Variants in CSKMT observed in about 807,000 individuals in gnomAD.
The protein encoded by CSKMT is citrate synthase lysine methyltransferase, also known as citrate synthase-lysine N-methyltransferase CSKMT, mitochondrial.
Under a neutral mutation model 4.6 loss-of-function variants are expected in CSKMT, and 6 were observed. The ratio of observed to expected loss-of-function variants is 1.31; its 90% CI spans 0.72 to 2.59. The LOEUF (loss-of-function observed/expected upper bound fraction) is 2.59. CSKMT is among the 30% of genes most tolerant of loss of function. The pLI is 0.00. For synonymous variants in CSKMT, 142 were observed against 128.9 expected, an observed-to-expected ratio of 1.10 and a Z score of -0.69; for missense variants, 328 against 298.0, an observed-to-expected ratio of 1.10 and a Z score of -0.74.
chr11:62,665,840 T>C lies in CSKMT; in HGVS notation c.-40T>C, dbSNP rs755354386. On this transcript the variant is annotated 5_prime_UTR_variant, in exon 2 of 3. Coordinates refer to ENST00000532971, the MANE Select transcript of CSKMT (RefSeq NM_001043229.2). ...CTCCGGCTGGAGTAGGGTGGACGCT[T>C]CACATAAGCTTCTCTGGTCGAACTT... 1.2e-6 allele frequency: 2 copies of C among 1,606,288 alleles called. No individual in the cohort carries two copies. The highest frequency in any genetic ancestry group is 1.7e-6 in the Non-Finnish European group (2 of 1,174,398).
At chr11:62,666,157 G>A in intron 2 of CSKMT, 1 of 709,396 alleles carries the variant, frequency 1.4e-6, no homozygotes, top group Middle Eastern at 4.0e-4. Flanking sequence ...GACCAACCTA[G>A]GGCAACATAG....
Position 62,665,855 on chromosome 11 carries a change from T to A in CSKMT, c.-25T>A. 1 of 1,610,386 alleles carries A rather than the reference T, an allele frequency of 6.2e-7. No homozygotes were observed. Among genetic ancestry groups the A allele is most frequent in the Non-Finnish European group, 8.5e-7 (1 of 1,177,362 alleles). ...GGTGGACGCTTCACATAAGCTTCTC[T>A]GGTCGAACTTACCCGAATCTCCAGA... On this transcript the variant is annotated 5_prime_UTR_variant, in exon 2 of 3. Transcript: ENST00000532971.
Position 62,665,853 on chromosome 11 carries a change from T to C in CSKMT, c.-27T>C, listed in dbSNP as rs1193560775. The stretch of plus-strand genomic sequence containing the variant: ...AGGGTGGACGCTTCACATAAGCTTC[T>C]CTGGTCGAACTTACCCGAATCTCCA... On this transcript the variant is annotated 5_prime_UTR_variant, in exon 2 of 3. Coordinates refer to ENST00000532971, the MANE Select transcript of CSKMT (RefSeq NM_001043229.2). 3.1e-6 allele frequency: 5 copies of C among 1,609,866 alleles called. No homozygotes were observed. In the African/African-American group the frequency reaches 6.7e-5, roughly 21 times the overall value.
In CSKMT at chr11:62,666,550, C is replaced by T; in HGVS notation, c.222C>T (p.Ala74=). The T allele has an allele frequency of 6.2e-7, 1 of 1,614,204 alleles. No homozygotes were observed. The highest frequency in any genetic ancestry group is 8.5e-7 in the Non-Finnish European group (1 of 1,180,032). The change falls in exon 3 of 3, where the codon GCC becomes GCT. Residue 74 remains alanine (A), a synonymous_variant. Coordinates refer to ENST00000532971, the MANE Select transcript of CSKMT (RefSeq NM_001043229.2). The stretch of plus-strand genomic sequence containing the variant: ...CATTGCTGCAGGAGGCACAGGCTGC[C>T]AGTCCTCTGCGAGTGCTGGATGTGG... ...LLPLLQEAQA[A]SPLRVLDVGC...
At position 62,667,546 on chromosome 11, in the gene CSKMT, A is replaced by G. The variant is rs1299392494; in HGVS notation, c.*495A>G. The G allele has an allele frequency of 6.2e-7, 1 of 1,614,186 alleles. No homozygotes were observed. Among genetic ancestry groups the G allele is most frequent in the Non-Finnish European group, 8.5e-7 (1 of 1,180,038 alleles). ...ACCCTCAAAGCTATTAGGAGGCAGG[A>G]GATGGGAATATTCCACAAAGCCACT... On this transcript the variant is annotated 3_prime_UTR_variant, in exon 3 of 3. Coordinates refer to ENST00000532971, the MANE Select transcript of CSKMT (RefSeq NM_001043229.2).
chr11:62,666,902 G>C lies in CSKMT; in HGVS notation c.574G>C (p.Gly192Arg), dbSNP rs754049044. 10 of 1,614,126 alleles carry C rather than the reference G, an allele frequency of 6.2e-6. No individual in the cohort carries two copies. Among genetic ancestry groups the C allele is most frequent in the Non-Finnish European group, 5.9e-6 (7 of 1,180,024 alleles). ...ATGCTTGAGGGTTCTAAACCCTCAG[G>C]GGACCCTGATTCAGTTCTCAGATGA... Reference protein sequence around the residue: ...SECLRVLNPQGTLIQFSDEDP... With the variant: ...SECLRVLNPQRTLIQFSDEDP... The change falls in exon 3 of 3, where the codon GGG becomes CGG. Residue 192 changes from glycine (G) to arginine (R), a missense_variant. Gly to Arg is a moderately radical substitution (Grantham distance 125, BLOSUM62 -2). Transcript: ENST00000532971.
chr11:62,666,025 G>A (rs565551567), intron 2 of CSKMT, 79 bp downstream of exon 2: 2 of 1,462,682 alleles, frequency 1.4e-6, no homozygotes, highest in African/African-American at 2.8e-5. Flanking sequence ...CGTGAGTCAG[G>A]AGTGTAGTCC....
chr11:62,666,532 G>A lies in CSKMT; in HGVS notation c.204G>A (p.Leu68=), dbSNP rs1944817945. ...DEVQGLLLPL[L]QEAQAASPLR... is the part of the protein sequence containing the mutation. Reference sequence around the variant, plus strand: ...TCCAGGGGCTCCTACTGCCATTGCTGCAGGAGGCACAGGCTGCCAGTCCTC... The same window carrying A: ...TCCAGGGGCTCCTACTGCCATTGCTACAGGAGGCACAGGCTGCCAGTCCTC... Residue 68 remains leucine (L), a synonymous_variant, in exon 3 of 3, where the codon CTG becomes CTA. Transcript: ENST00000532971. The A allele has an allele frequency of 1.9e-6, 3 of 1,614,048 alleles. No individual in the cohort carries two copies. Among genetic ancestry groups the A allele is most frequent in the African/African-American group, 2.7e-5 (2 of 74,940 alleles).
chr11:62,667,056 AT>A lies in CSKMT; in HGVS notation c.*9del, dbSNP rs1590850867. On this transcript the variant is annotated 3_prime_UTR_variant, in exon 3 of 3. Transcript: ENST00000532971. The stretch of plus-strand genomic sequence containing the variant: ...TTGATTCAAGGCTCTCATTAAAGAC[AT>A]TTTAGTAGTCCTGACCCTAGTATTT... 3 of 1,587,064 alleles carry A rather than the reference AT, an allele frequency of 1.9e-6. No homozygotes were observed. The highest frequency in any genetic ancestry group is 2.6e-6 in the Non-Finnish European group (3 of 1,166,492).
rs748024340 is a variant in CSKMT at position 62,665,939 on chromosome 11, C to T, written c.60C>T (p.Pro20=). 6.2e-7 allele frequency: 1 copy of T among 1,611,978 alleles called. No individual in the cohort carries two copies. Among genetic ancestry groups the T allele is most frequent in the Non-Finnish European group, 8.5e-7 (1 of 1,179,636 alleles). The change falls in exon 2 of 3, where the codon CCC becomes CCT. Residue 20 remains proline (P), a synonymous_variant. Coordinates refer to ENST00000532971, the MANE Select transcript of CSKMT (RefSeq NM_001043229.2). Reference sequence around the variant, plus strand: ...GCCTGATGATGGGGACGTGCCGCCCCTTTGCGGGTAGGGAGGTGGGGGCAG... The same window carrying T: ...GCCTGATGATGGGGACGTGCCGCCCTTTTGCGGGTAGGGAGGTGGGGGCAG... ...LPSLMMGTCR[P]FAGSLADSCL...
At position 62,665,889 on chromosome 11, in the gene CSKMT, C is replaced by A. The variant is rs570771969; in HGVS notation, c.10C>A (p.Leu4Met). Residue 4 changes from leucine to methionine, a missense_variant, in exon 2 of 3, where the codon CTG becomes ATG. Leu to Met is a conservative substitution (Grantham distance 15). Coordinates refer to ENST00000532971, the MANE Select transcript of CSKMT (RefSeq NM_001043229.2). ...TTACCCGAATCTCCAGATGGCCGCG[C>A]TGCGTCGAATGCTCCACTTGCCGAG... MAA[L>M]RRMLHLPSLM... 6.2e-7 allele frequency: 1 copy of A among 1,613,504 alleles called. No individual in the cohort carries two copies. The highest frequency in any genetic ancestry group is 1.3e-5 in the African/African-American group (1 of 75,046).
At position 62,667,925 on chromosome 11, in the gene CSKMT, CGGGATAGTGGCACA is replaced by C. The variant is rs1944862531; in HGVS notation, c.*877_*890del. ...CTAACTCTACAAAAACAAATGAGCC[CGGGATAGTGGCACA>C]GGCATGTAGTTCCAACTACTCAGGA... On this transcript the variant is annotated 3_prime_UTR_variant, in exon 3 of 3. Transcript: ENST00000532971. The C allele has an allele frequency of 1.7e-6, 1 of 573,644 alleles. No homozygotes were observed. Among genetic ancestry groups the C allele is most frequent in the African/African-American group, 1.9e-5 (1 of 53,426 alleles). The allele number at this position is 573,644 out of a possible 1,614,324, so 35.5% of individuals were successfully genotyped here.
intron 2 of CSKMT, 118 bp downstream of exon 2, chr11:62,666,064 T>A: frequency 8.3e-7 from 1 of 1,205,930 alleles, no homozygotes. Context: ...AACCCTACGG[T>A]GGGCCGTGCG....
At position 62,667,831 on chromosome 11, in the gene CSKMT, C is replaced by A; in HGVS notation, c.*780C>A. The A allele has an allele frequency of 1.0e-6, 1 of 986,040 alleles. No individual in the cohort carries two copies. Among genetic ancestry groups the A allele is most frequent in the Non-Finnish European group, 1.6e-6 (1 of 645,006 alleles). 61.1% of individuals were successfully genotyped at this position (986,040 alleles called of 1,614,324 possible). On this transcript the variant is annotated 3_prime_UTR_variant, in exon 3 of 3. Transcript: ENST00000532971. ...CTAGGCCAGGCATGCTGGCTCATACCTATAATCACAGCACTTTGGGAGGCC... is the reference window on the plus strand; with the variant it reads ...CTAGGCCAGGCATGCTGGCTCATACATATAATCACAGCACTTTGGGAGGCC...
In CSKMT at chr11:62,667,875, G is replaced by T. The variant is rs1033908548; in HGVS notation, c.*824G>T. The T allele has an allele frequency of 2.2e-5, 15 of 667,984 alleles. No individual in the cohort carries two copies. Among genetic ancestry groups the T allele is most frequent in the Non-Finnish European group, 3.1e-5 (12 of 383,070 alleles). 41.4% of individuals were successfully genotyped at this position (667,984 alleles called of 1,614,324 possible). ...GGAGGCCAAGGTGGGCAGATTGCTT[G>T]AGCCCTGGCAATAAAGTGACACCCC... On this transcript the variant is annotated 3_prime_UTR_variant, in exon 3 of 3. Coordinates refer to ENST00000532971, the MANE Select transcript of CSKMT (RefSeq NM_001043229.2).
chr11:62,666,880 C>T lies in CSKMT; in HGVS notation c.552C>T (p.Cys184=), dbSNP rs905553228. ...GGGCTTACCAGCTTCTATCAGAATG[C>T]TTGAGGGTTCTAAACCCTCAGGGGA... ...LPRAYQLLSE[C]LRVLNPQGTL... is the part of the protein sequence containing the mutation. The change falls in exon 3 of 3, where the codon TGC becomes TGT. Residue 184 remains cysteine (C), a synonymous_variant. Coordinates refer to ENST00000532971, the MANE Select transcript of CSKMT (RefSeq NM_001043229.2). The T allele has an allele frequency of 1.2e-5, 20 of 1,614,088 alleles. No individual in the cohort carries two copies. The Admixed American group carries it at 2.7e-4, about 22-fold the overall frequency.
At position 62,666,727 on chromosome 11, in the gene CSKMT, C is replaced by G; in HGVS notation, c.399C>G (p.His133Gln). 6.2e-7 allele frequency: 1 copy of G among 1,614,112 alleles called. No individual in the cohort carries two copies. Among genetic ancestry groups the G allele is most frequent in the African/African-American group, 1.3e-5 (1 of 75,060 alleles). Reference sequence around the variant, plus strand: ...GCCAAACACCTCTATGCCCTGGACACCCTGCCTCAAGCCTCCACTTCATGC... The same window carrying G: ...GCCAAACACCTCTATGCCCTGGACAGCCTGCCTCAAGCCTCCACTTCATGC... ...GPGQTPLCPGHPASSLHFMHA... is the reference protein window; with the variant it reads ...GPGQTPLCPGQPASSLHFMHA... The change falls in exon 3 of 3, where the codon CAC becomes CAG. Residue 133 changes from histidine (H) to glutamine (Q), a missense_variant. By Grantham distance (24) the His-to-Gln change is conservative. Coordinates refer to ENST00000532971, the MANE Select transcript of CSKMT (RefSeq NM_001043229.2).
Position 62,668,056 on chromosome 11 carries a change from G to T in CSKMT, c.*1005G>T. ...GCACTTGAGCTAAAAATTAATTTCT[G>T]TGGTATTTTTTGCTTATAAAAAAAT... On this transcript the variant is annotated 3_prime_UTR_variant, in exon 3 of 3. Transcript: ENST00000532971. The T allele has an allele frequency of 3.9e-6, 1 of 254,338 alleles. No individual in the cohort carries two copies. Among genetic ancestry groups the T allele is most frequent in the South Asian group, 9.3e-5 (1 of 10,778 alleles). 15.8% of individuals were successfully genotyped at this position (254,338 alleles called of 1,614,324 possible).
At position 62,666,840 on chromosome 11, in the gene CSKMT, G is replaced by A. The variant is rs753195000; in HGVS notation, c.512G>A (p.Arg171Gln). Residue 171 changes from arginine to glutamine, a missense_variant, in exon 3 of 3, where the codon CGG becomes CAG. By Grantham distance (43) the Arg-to-Gln change is conservative. Coordinates refer to ENST00000532971, the MANE Select transcript of CSKMT (RefSeq NM_001043229.2). ...LDKGTWDAVARGGLPRAYQLL... is the reference protein window; with the variant it reads ...LDKGTWDAVAQGGLPRAYQLL... ...AAAGGCACATGGGATGCTGTTGCCCGGGGAGGTCTGCCTAGGGCTTACCAG... is the reference window on the plus strand; with the variant it reads ...AAAGGCACATGGGATGCTGTTGCCCAGGGAGGTCTGCCTAGGGCTTACCAG... 6.2e-6 allele frequency: 10 copies of A among 1,614,040 alleles called. No homozygotes were observed. Among genetic ancestry groups the A allele is most frequent in the Middle Eastern group, 1.6e-4 (1 of 6,084 alleles).
Sources: allele counts gnomAD v4.1 joint callset, GRCh38; gene constraint gnomAD v4.1.1; transcripts MANE v1.5; gene names NCBI Gene and HGNC (gene_info 2026-07-23, HGNC 2026-07-21).